EDDM3A: variants seen among roughly 807,000 people sequenced by gnomAD.
The protein encoded by EDDM3A is epididymal secretory protein E3-alpha.
For missense variants in EDDM3A, 199 were observed against 177.4 expected (o/e 1.12, Z -0.69); for synonymous variants, 75 against 60.4 (o/e 1.24, Z -1.12).
chr14:20,739,548 T>A, the EDDM3A span, among the ~76,000 whole-genome samples: 1 of 152,188 alleles, frequency 6.6e-6, no homozygotes, highest in Non-Finnish European at 1.5e-5. Flanking sequence ...CATAAATATA[T>A]GGCACCCTAA....
chr14:20,742,260 CCAGT>C (rs1340146786), upstream of EDDM3A, among the ~76,000 whole-genome samples: 5 of 152,200 alleles, frequency 3.3e-5, no homozygotes, highest in African/African-American at 4.8e-5. Context: ...AGTCCCAGGA[CCAGT>C]CAAAGTATAT....
chr14:20,740,962 C>T (rs1313329572), upstream of EDDM3A, among the ~76,000 whole-genome samples: 1 of 152,136 alleles, frequency 6.6e-6, no homozygotes, highest in South Asian at 2.1e-4. Flanking sequence ...CAGGGCAACC[C>T]ATGGGGCTTA....
intron 1 of EDDM3A, 103 bp from the exon 2 acceptor site, chr14:20,747,452 A>G (rs1361630818): frequency 3.0e-6 from 2 of 676,912 alleles, no homozygotes; most frequent in Non-Finnish European, 5.0e-6. Context: ...ACCAAATAGC[A>G]ATATAGTGCC....
rs1363923123 is a variant in EDDM3A at position 20,748,026 on chromosome 14, A to C, written c.*2A>C. The C allele has an allele frequency of 6.3e-7, 1 of 1,587,868 alleles. No individual in the cohort carries two copies. The highest frequency in any genetic ancestry group is 2.2e-5 in the East Asian group (1 of 44,634). ...ATTATAGAACCTATCAGCAACTAGA[A>C]AGTCTATGCACATCCTCAGATATTG... On this transcript the variant is annotated 3_prime_UTR_variant, in exon 2 of 2. Transcript: ENST00000326842.
chr14:20,737,889 G>A, the EDDM3A span, among the ~76,000 whole-genome samples: 4 of 152,188 alleles, frequency 2.6e-5, no homozygotes, highest in Non-Finnish European at 5.9e-5. Flanking sequence ...GTCCGGTATG[G>A]GGTGGAAAAG....
the EDDM3A span, among the ~76,000 whole-genome samples, chr14:20,737,054 C>CTTT: frequency 2.9e-4 from 32 of 109,960 alleles, 1 homozygote; most frequent in Admixed American, 4.5e-4. Flanking sequence ...TTTCTTTTTC[C>CTTT]TTTTTTTTTT....
In EDDM3A at chr14:20,748,088, C is replaced by A; in HGVS notation, c.*64C>A. On this transcript the variant is annotated 3_prime_UTR_variant, in exon 2 of 2. Coordinates refer to ENST00000326842, the MANE Select transcript of EDDM3A (RefSeq NM_006683.5). ...AGTGCTTCCAAAGTGGTGGGCCCTGCCTCCATCAATAGCCCCTGCCACTCC... is the reference window on the plus strand; with the variant it reads ...AGTGCTTCCAAAGTGGTGGGCCCTGACTCCATCAATAGCCCCTGCCACTCC... The A allele has an allele frequency of 7.8e-7, 1 of 1,280,196 alleles. No individual in the cohort carries two copies. The highest frequency in any genetic ancestry group is 1.1e-6 in the Non-Finnish European group (1 of 926,228). The allele number at this position is 1,280,196 out of a possible 1,614,324, so 79.3% of individuals were successfully genotyped here. A position where few individuals can be genotyped will look rare whatever the true frequency, so the allele number is the denominator to read the frequency against.
chr14:20,743,481 C>G (rs1220904627), upstream of EDDM3A, among the ~76,000 whole-genome samples: 1 of 147,690 alleles, frequency 6.8e-6, no homozygotes, highest in African/African-American at 2.7e-5. Flanking sequence ...ACCCAGGAGG[C>G]AGAGGTTCCA....
chr14:20,745,811 G>T (rs11621687), upstream of EDDM3A: 37,011 of 152,244 alleles, frequency 0.24, 4,620 homozygotes, highest in East Asian at 0.34. Flanking sequence ...TAATAAGGCT[G>T]TTCCCCATCA....
At position 20,747,663 on chromosome 14, in the gene EDDM3A, T is replaced by C. The variant is rs778783465; in HGVS notation, c.83T>C (p.Ile28Thr). ...AGGCTGTGTGTATACAGTAACAACATTTACTGGAGAGAATTCATAAAACTT... is the reference window on the plus strand; with the variant it reads ...AGGCTGTGTGTATACAGTAACAACACTTACTGGAGAGAATTCATAAAACTT... ...LCRLCVYSNN[I>T]YWREFIKLHY... is the part of the protein sequence containing the mutation. Residue 28 changes from isoleucine to threonine, a missense_variant, in exon 2 of 2, where the codon ATT becomes ACT. Transcript: ENST00000326842. 3.1e-6 allele frequency: 5 copies of C among 1,613,792 alleles called. No homozygotes were observed. Among genetic ancestry groups the C allele is most frequent in the African/African-American group, 1.3e-5 (1 of 74,890 alleles).
the EDDM3A span, among the ~76,000 whole-genome samples, chr14:20,739,644 C>T: frequency 2.6e-5 from 4 of 152,198 alleles, no homozygotes; most frequent in African/African-American, 9.7e-5. Flanking sequence ...GTTTGTATTG[C>T]ATTTCAGCCA....
At chr14:20,739,486 A>G in the EDDM3A span, among the ~76,000 whole-genome samples, 1 of 152,208 alleles carries the variant, frequency 6.6e-6, no homozygotes, top group Non-Finnish European at 1.5e-5. Context: ...CTGCTAAGCC[A>G]AGCAATTGTC....
upstream of EDDM3A, among the ~76,000 whole-genome samples, chr14:20,742,980 C>T (rs10146026): frequency 0.039 from 5,901 of 152,214 alleles, 379 homozygotes; most frequent in African/African-American, 0.14. Flanking sequence ...AGTGATCCTC[C>T]CACTTTGACC....
chr14:20,738,469 CA>C, the EDDM3A span, among the ~76,000 whole-genome samples: 5,681 of 92,550 alleles, frequency 0.061, 152 homozygotes, highest in Middle Eastern at 0.11. Flanking sequence ...GACTCTGTCT[CA>C]AAATAAATAA....
chr14:20,746,962 T>C (rs1877608239), intron 1 of EDDM3A, among the ~76,000 whole-genome samples: 1 of 152,214 alleles, frequency 6.6e-6, no homozygotes, highest in South Asian at 2.1e-4. Context: ...AGCTCGATAG[T>C]GATTGGCTCC....
chr14:20,747,207 G>T (rs774928898), intron 1 of EDDM3A, among the ~76,000 whole-genome samples: 6 of 150,042 alleles, frequency 4.0e-5, no homozygotes, highest in Non-Finnish European at 7.4e-5. Flanking sequence ...AGGTTCAAGC[G>T]ATTCTCCTGC....
rs111247207 is a variant in EDDM3A, at chr14:20,747,833, G to A, written c.253G>A (p.Gly85Arg). Residue 85 changes from glycine (G) to arginine (R), a missense_variant, in exon 2 of 2, where the codon GGG becomes AGG. Coordinates refer to ENST00000326842, the MANE Select transcript of EDDM3A (RefSeq NM_006683.5). ...KIQRACINEK[G>R]SDRYRNAYVW... ...TCAGCGTGCATGCATCAATGAGAAG[G>A]GGAGCGACCGATATAGAAATGCATA... The A allele has an allele frequency of 3.1e-6, 5 of 1,613,980 alleles. No homozygotes were observed. In the African/African-American group the frequency reaches 5.3e-5, roughly 17 times the overall value.
In EDDM3A at chr14:20,747,899, TG is replaced by T. The variant is rs1408116558; in HGVS notation, c.322del (p.Glu108ArgfsTer22). The part of the protein sequence containing the change: ...PGALKVLECH[W>X]EKYNNRYTES... The stretch of plus-strand genomic sequence containing the variant: ...TGCCCTCAAAGTACTCGAGTGTCAC[TG>T]GGAGAAGTACAACAATAGGTACACA... On this transcript the variant is annotated frameshift_variant, in exon 2 of 2. Coordinates refer to ENST00000326842, the MANE Select transcript of EDDM3A (RefSeq NM_006683.5). LOFTEE classifies it low-confidence loss of function (END_TRUNC). 3 of 1,614,052 alleles carry T rather than the reference TG, an allele frequency of 1.9e-6. No individual in the cohort carries two copies. The Admixed American group carries it at 5.0e-5, about 27-fold the overall frequency.
the EDDM3A span, among the ~76,000 whole-genome samples, chr14:20,737,292 G>A: frequency 1.3e-5 from 2 of 152,058 alleles, no homozygotes; most frequent in Non-Finnish European, 2.9e-5. Flanking sequence ...CTGACCTCAA[G>A]TGATAGTGAT....
Sources: allele counts gnomAD v4.1 joint callset (sites outside exome capture counted in the v4.1 genomes callset), GRCh38; gene constraint gnomAD v4.1.1; transcripts MANE v1.5; gene names NCBI Gene and HGNC (gene_info 2026-07-23, HGNC 2026-07-21).